PCCA: variants seen among roughly 807,000 people sequenced by gnomAD.
PCCA encodes propionyl-CoA carboxylase subunit alpha, also known as propionyl-CoA carboxylase alpha chain, mitochondrial.
PCCA carries 74 observed loss-of-function variants against 101.3 expected under a neutral mutation model. The observed-to-expected ratio is 0.73, with a 90% CI of 0.61 to 0.89. The LOEUF (loss-of-function observed/expected upper bound fraction) is 0.89. Among genes scored for constraint, PCCA ranks in the 40% least tolerant of loss-of-function variants. PCCA has a pLI of 0.00. For synonymous variants in PCCA, 294 were observed against 313.6 expected, an observed-to-expected ratio of 0.94 and a Z score of 0.66; for missense variants, 891 against 907.0, an observed-to-expected ratio of 0.98 and a Z score of 0.23.
At chr13:100,432,990 A>G (rs1197317164) in intron 20 of PCCA, among the ~76,000 whole-genome samples, 1 of 152,242 alleles carries the variant, frequency 6.6e-6, no homozygotes, top group Admixed American at 6.5e-5. Flanking sequence ...TTTATGGCTG[A>G]ATAATATTCC....
Position 100,449,285 on chromosome 13 carries a change from A to G in PCCA, c.1879A>G (p.Ile627Val), listed in dbSNP as rs1163083290. Residue 627 changes from isoleucine (I) to valine (V), a missense_variant, in exon 21 of 24, where the codon ATT (isoleucine) becomes GTT (valine). Coordinates refer to ENST00000376285, the MANE Select transcript of PCCA (RefSeq NM_000282.4). Reference sequence around the variant, plus strand: ...TCGAGAAGCAGGTGGAAACATGAGCATTCAGTTTCTTGGTACAGTGGTAAG... The same window carrying G: ...TCGAGAAGCAGGTGGAAACATGAGCGTTCAGTTTCTTGGTACAGTGGTAAG... ...LSREAGGNMSIQFLGTVYKVN... is the reference protein window; with the variant it reads ...LSREAGGNMSVQFLGTVYKVN... 6.5e-6 allele frequency: 10 copies of G among 1,541,606 alleles called. No homozygotes were observed. The highest frequency in any genetic ancestry group is 8.8e-6 in the Non-Finnish European group (10 of 1,138,332).
rs147038412 is a variant in PCCA at position 100,318,323 on chromosome 13, ATCTC to A, written c.1429+8421_1429+8424del. Among the ~76,000 whole-genome samples, 1,381 of 150,614 alleles carry A rather than the reference ATCTC, an allele frequency of 9.2e-3. 29 individuals are homozygous for A. The highest frequency in any genetic ancestry group is 0.086 in the East Asian group (435 of 5,052). On this transcript the variant is annotated intron_variant, in intron 16 of 23. Coordinates refer to ENST00000376285, the MANE Select transcript of PCCA (RefSeq NM_000282.4). ...ATCATTTGCTTTTTGCAACAGTGAA[ATCTC>A]TCTCTGTCTCTGTCTCTCTCTCTCT...
At chr13:100,378,349 C>T (rs183474291) in intron 19 of PCCA, among the ~76,000 whole-genome samples, 2 of 152,262 alleles carry the variant, frequency 1.3e-5, no homozygotes, top group Admixed American at 1.3e-4. Flanking sequence ...TTTTCTCTTA[C>T]AGTTTTTAAA....
At chr13:100,121,849 T>G (rs191826694) in intron 4 of PCCA, among the ~76,000 whole-genome samples, 2 of 152,346 alleles carry the variant, frequency 1.3e-5, no homozygotes, top group Admixed American at 6.5e-5. Context: ...GCTTTTTATT[T>G]CATATTCTTG....
At chr13:100,164,454 G>C (rs1385970236) in intron 6 of PCCA, among the ~76,000 whole-genome samples, 1 of 152,158 alleles carries the variant, frequency 6.6e-6, no homozygotes, top group Non-Finnish European at 1.5e-5. Context: ...GTTACAGCAG[G>C]CTGTTTCAGC....
intron 19 of PCCA, among the ~76,000 whole-genome samples, chr13:100,391,310 G>C (rs763045087): frequency 2.6e-5 from 4 of 152,218 alleles, no homozygotes; most frequent in Non-Finnish European, 5.9e-5. Context: ...AGGAGCGGGT[G>C]GAGATGAAGG....
intron 7 of PCCA, among the ~76,000 whole-genome samples, chr13:100,234,751 A>G (rs1164564117): frequency 1.3e-5 from 2 of 151,596 alleles, no homozygotes; most frequent in African/African-American, 4.9e-5. Flanking sequence ...TAAACGTATT[A>G]GCTTAAAAGC....
intron 19 of PCCA, among the ~76,000 whole-genome samples, chr13:100,399,207 A>G (rs2077202552): frequency 1.3e-5 from 2 of 152,190 alleles, no homozygotes; most frequent in Non-Finnish European, 1.5e-5. Flanking sequence ...TTACTCACGT[A>G]TTCAAATGAA....
intron 6 of PCCA, among the ~76,000 whole-genome samples, chr13:100,203,516 C>T (rs1422178940): frequency 6.6e-6 from 1 of 151,802 alleles, no homozygotes; most frequent in African/African-American, 2.4e-5. Flanking sequence ...ATGGTGAAAC[C>T]CTGTCTCTAC....
chr13:100,246,192 G>C (rs1327912950), intron 8 of PCCA, among the ~76,000 whole-genome samples: 2 of 152,170 alleles, frequency 1.3e-5, no homozygotes, highest in Non-Finnish European at 2.9e-5. Context: ...CTGAACTAGG[G>C]ATCTGGGCAG....
At chr13:100,454,024 C>T (rs532594337) in intron 21 of PCCA, among the ~76,000 whole-genome samples, 6 of 152,080 alleles carry the variant, frequency 3.9e-5, no homozygotes, top group Non-Finnish European at 7.3e-5. Flanking sequence ...GTGCCGGCCA[C>T]TACACCCGGC....
At chr13:100,226,314 A>G (rs1266758401) in intron 7 of PCCA, among the ~76,000 whole-genome samples, 1 of 152,194 alleles carries the variant, frequency 6.6e-6, no homozygotes, top group African/African-American at 2.4e-5. Flanking sequence ...TTTAATAAAC[A>G]GTCACTGATT....
chr13:100,275,327 G>A (rs1052354656), intron 12 of PCCA, among the ~76,000 whole-genome samples: 4 of 152,116 alleles, frequency 2.6e-5, no homozygotes, highest in African/African-American at 7.2e-5. Flanking sequence ...GTGCCGTGGC[G>A]GTAGACCGTC....
At chr13:100,291,611 TG>T (rs2065131658) in intron 12 of PCCA, among the ~76,000 whole-genome samples, 1 of 152,210 alleles carries the variant, frequency 6.6e-6, no homozygotes. Context: ...TGTGGTTTTT[TG>T]GGGGTTATCA....
At chr13:100,432,720 T>G (rs1032925842) in intron 20 of PCCA, among the ~76,000 whole-genome samples, 1 of 152,150 alleles carries the variant, frequency 6.6e-6, no homozygotes. Context: ...GGAGTTCATT[T>G]AGAAGACAAT....
At chr13:100,220,291 T>G (rs2059747103) in intron 7 of PCCA, among the ~76,000 whole-genome samples, 1 of 152,098 alleles carries the variant, frequency 6.6e-6, no homozygotes, top group Non-Finnish European at 1.5e-5. Context: ...CAAGAGTCTC[T>G]TTCTGTCACC....
At chr13:100,209,082 G>A (rs998310826) in intron 6 of PCCA, among the ~76,000 whole-genome samples, 1 of 152,128 alleles carries the variant, frequency 6.6e-6, no homozygotes, top group Non-Finnish European at 1.5e-5. Flanking sequence ...TGACTTTTCC[G>A]AGGCACACTG....
At chr13:100,328,880 G>C (rs578153563) in intron 16 of PCCA, among the ~76,000 whole-genome samples, 6 of 151,376 alleles carry the variant, frequency 4.0e-5, no homozygotes, top group Non-Finnish European at 8.8e-5. Flanking sequence ...TTTTAGTAGA[G>C]ATGGGGTTTC....
At chr13:100,138,057 G>T (rs2051399176) in intron 4 of PCCA, among the ~76,000 whole-genome samples, 1 of 151,946 alleles carries the variant, frequency 6.6e-6, no homozygotes, top group Non-Finnish European at 1.5e-5. Flanking sequence ...CCAAAGTGTT[G>T]GGATTAAGGC....
Sources: gnomAD v4.1 joint callset for allele counts (sites outside exome capture counted in the v4.1 genomes callset) on GRCh38, gnomAD v4.1.1 for gene constraint, MANE v1.5 for transcripts, NCBI Gene and HGNC (gene_info 2026-07-23, HGNC 2026-07-21) for gene names.